The following CCSER1 variants were observed in gnomAD, a reference collection of about 807,000 sequenced individuals.
CCSER1 encodes serine-rich coiled-coil domain-containing protein 1.
A neutral mutation model predicts 82.0 loss-of-function variants in CCSER1; 41 were observed. The observed-to-expected ratio is 0.50, with a 90% confidence interval of 0.39 to 0.65. CCSER1 has a LOEUF of 0.65. CCSER1 is among the 30% of genes least tolerant of loss of function. CCSER1 has a pLI of 0.00. For missense variants in CCSER1, 1,119 were observed against 1,064.2 expected (o/e 1.05, Z -0.72); for synonymous variants, 414 against 383.9 (o/e 1.08, Z -0.92).
At position 90,510,836 on chromosome 4, in the gene CCSER1, CAG is replaced by C. The variant is rs1560635787; in HGVS notation, c.1724+42483_1724+42484del. 5.5e-4 allele frequency among the ~76,000 whole-genome samples: 83 copies of C among 152,092 alleles called. 1 individual carries two copies. Among genetic ancestry groups the C allele is most frequent in the African/African-American group, 1.9e-3 (79 of 41,456 alleles). Reference sequence around the variant, plus strand: ...AAAGACTCTGGGCCTTCGTGGTGCTCAGTAAGAGTTGATGATGAGTCACAGTA... The same window carrying C: ...AAAGACTCTGGGCCTTCGTGGTGCTCTAAGAGTTGATGATGAGTCACAGTA... On this transcript the variant is annotated intron_variant, in intron 5 of 10. Transcript: ENST00000509176.
intron 1 of CCSER1, among the ~76,000 whole-genome samples, chr4:90,211,313 T>C (rs559583724): frequency 6.6e-6 from 1 of 152,346 alleles, no homozygotes; most frequent in South Asian, 2.1e-4. Context: ...GTCATATCTC[T>C]ACCTTCATTG....
intron 1 of CCSER1, among the ~76,000 whole-genome samples, chr4:90,135,980 G>T (rs149819959): frequency 6.6e-6 from 1 of 152,142 alleles, no homozygotes; most frequent in African/African-American, 2.4e-5. Context: ...TATGCACAAT[G>T]TGCATATGAA....
chr4:90,661,419 A>T (rs1730753328), intron 6 of CCSER1, among the ~76,000 whole-genome samples: 2 of 152,112 alleles, frequency 1.3e-5, no homozygotes, highest in Admixed American at 1.3e-4. Context: ...AGAATTTGTG[A>T]GTGTATTTAT....
intron 2 of CCSER1, among the ~76,000 whole-genome samples, chr4:90,312,552 A>G (rs1735489775): frequency 6.6e-6 from 1 of 152,100 alleles, no homozygotes; most frequent in Non-Finnish European, 1.5e-5. Flanking sequence ...GCCAGCATAG[A>G]TTTGGTCCAG....
At chr4:91,289,633 G>A (rs2149216734) in intron 10 of CCSER1, among the ~76,000 whole-genome samples, 1 of 152,034 alleles carries the variant, frequency 6.6e-6, no homozygotes. Context: ...AACTTGAAGA[G>A]AGAGGTCAAT....
At chr4:91,528,828 C>T (rs1253559237) in intron 10 of CCSER1, among the ~76,000 whole-genome samples, 1 of 152,050 alleles carries the variant, frequency 6.6e-6, no homozygotes, top group Non-Finnish European at 1.5e-5. Context: ...ATAAATACAT[C>T]ATTCAGAGAA....
At position 91,112,476 on chromosome 4, in the gene CCSER1, A is replaced by C. The variant is rs73834792; in HGVS notation, c.2217+26482A>C. ...ATTTGTACAGAGACAGTGAATTGAT[A>C]ATCTTTATTATCTTTGTTCTTTCCT... is the stretch of plus-strand genomic sequence containing the variant. On this transcript the variant is annotated intron_variant, in intron 10 of 10. Transcript: ENST00000509176. 2.6e-3 allele frequency: 389 copies of C among 152,202 alleles called. 2 individuals are homozygous for C. The highest frequency in any genetic ancestry group is 9.1e-3 in the African/African-American group (377 of 41,550). 9.4% of individuals were successfully genotyped at this position (152,202 alleles called of 1,614,324 possible).
At chr4:90,175,342 A>C (rs1732467145) in intron 1 of CCSER1, among the ~76,000 whole-genome samples, 1 of 151,972 alleles carries the variant, frequency 6.6e-6, no homozygotes, top group Non-Finnish European at 1.5e-5. Context: ...GGTTCCATGA[A>C]GAAGGGGTAA....
intron 5 of CCSER1, 100 bp from the exon 6 acceptor site, chr4:90,627,925 A>G: frequency 1.2e-6 from 1 of 849,730 alleles, no homozygotes; most frequent in East Asian, 2.6e-5. Flanking sequence ...GGACACAAGA[A>G]ATACTTTCTA....
intron 5 of CCSER1, among the ~76,000 whole-genome samples, chr4:90,521,668 G>A (rs1401132381): frequency 6.6e-6 from 1 of 151,962 alleles, no homozygotes; most frequent in Non-Finnish European, 1.5e-5. Context: ...AACACTGCAG[G>A]ATTTTTTTTT....
At chr4:90,530,059 A>G (rs375214149) in intron 5 of CCSER1, among the ~76,000 whole-genome samples, 5 of 152,104 alleles carry the variant, frequency 3.3e-5, no homozygotes, top group African/African-American at 1.2e-4. Flanking sequence ...TAAAAGCACA[A>G]ATGAACTACA....
At chr4:91,103,081 C>G (rs1047697588) in intron 10 of CCSER1, among the ~76,000 whole-genome samples, 1 of 152,106 alleles carries the variant, frequency 6.6e-6, no homozygotes, top group Non-Finnish European at 1.5e-5. Context: ...CCTGTAAACC[C>G]ACAACGGAAA....
chr4:90,690,221 G>C (rs549882975), intron 6 of CCSER1, among the ~76,000 whole-genome samples: 1 of 151,970 alleles, frequency 6.6e-6, no homozygotes, highest in East Asian at 1.9e-4. Context: ...GATATTGAAG[G>C]CACAATACTC....
At chr4:91,083,812 C>T (rs1368838314) in intron 9 of CCSER1, among the ~76,000 whole-genome samples, 2 of 151,798 alleles carry the variant, frequency 1.3e-5, no homozygotes, top group East Asian at 1.9e-4. Context: ...TACAAAATAC[C>T]AAGAGAAAAG....
chr4:91,191,465 C>G (rs1734990171), intron 10 of CCSER1, among the ~76,000 whole-genome samples: 1 of 152,132 alleles, frequency 6.6e-6, no homozygotes, highest in Non-Finnish European at 1.5e-5. Flanking sequence ...AATTACCTTA[C>G]TTTATGAATT....
intron 5 of CCSER1, among the ~76,000 whole-genome samples, chr4:90,476,009 T>C (rs2153593967): frequency 6.6e-6 from 1 of 150,842 alleles, no homozygotes; most frequent in East Asian, 2.0e-4. Context: ...TGGAAATTTT[T>C]CCTTCTTTTC....
intron 7 of CCSER1, among the ~76,000 whole-genome samples, chr4:90,762,116 A>C (rs1015520261): frequency 1.3e-5 from 2 of 152,176 alleles, no homozygotes; most frequent in Non-Finnish European, 2.9e-5. Context: ...TGTAGTTCCC[A>C]TAATCCACAC....
intron 10 of CCSER1, among the ~76,000 whole-genome samples, chr4:91,450,318 CA>C (rs1277105138): frequency 1.3e-5 from 2 of 152,002 alleles, no homozygotes; most frequent in East Asian, 3.9e-4. Flanking sequence ...TCAAAACAAG[CA>C]TGACTTAATG....
intron 6 of CCSER1, among the ~76,000 whole-genome samples, chr4:90,674,852 G>T (rs537228311): frequency 6.6e-6 from 1 of 151,716 alleles, no homozygotes; most frequent in Non-Finnish European, 1.5e-5. Context: ...TGAGTTCATT[G>T]GTGATTTCAC....
Sources: allele counts gnomAD v4.1 joint callset (sites outside exome capture counted in the v4.1 genomes callset), GRCh38; gene constraint gnomAD v4.1.1; transcripts MANE v1.5; gene names NCBI Gene and HGNC (gene_info 2026-07-23, HGNC 2026-07-21).